The following COL22A1 variants were observed in gnomAD, a reference collection of about 807,000 sequenced individuals.
The protein encoded by COL22A1 is collagen alpha-1(XXII) chain.
COL22A1 carries 221 observed loss-of-function variants against 248.9 expected under a neutral mutation model. That is an observed-to-expected ratio of 0.89 (90% CI 0.80 to 0.99). COL22A1 has a LOEUF of 0.99. Among genes scored for constraint, COL22A1 ranks in the 50% least tolerant of loss-of-function variants. The pLI is 0.00. For synonymous variants in COL22A1, 891 were observed against 793.4 expected, an observed-to-expected ratio of 1.12 and a Z score of -2.07; for missense variants, 2,240 against 2,179.0, an observed-to-expected ratio of 1.03 and a Z score of -0.56.
intron 17 of COL22A1, among the ~76,000 whole-genome samples, chr8:138,760,920 G>A (rs76107190): frequency 0.12 from 17,676 of 152,190 alleles, 1,296 homozygotes; most frequent in Non-Finnish European, 0.17. Context: ...ACAGAGCACA[G>A]GGTAGTCCTC....
At chr8:138,851,565 C>A (rs1376552974) in intron 3 of COL22A1, among the ~76,000 whole-genome samples, 1 of 152,174 alleles carries the variant, frequency 6.6e-6, no homozygotes, top group Admixed American at 6.5e-5. Context: ...GTTCCTCAGA[C>A]CTCCTTTCCC....
At chr8:138,610,653 G>A (rs1015713418) in intron 56 of COL22A1, among the ~76,000 whole-genome samples, 26 of 152,186 alleles carry the variant, frequency 1.7e-4, no homozygotes, top group Non-Finnish European at 1.5e-5. Flanking sequence ...TGGGGGCCTT[G>A]GGATTTCAGG....
chr8:138,637,283 A>G (rs561014936), intron 47 of COL22A1, among the ~76,000 whole-genome samples: 1 of 152,286 alleles, frequency 6.6e-6, no homozygotes, highest in East Asian at 1.9e-4. Context: ...GCCTTGCAGA[A>G]CAGGTGTGAG....
chr8:138,630,187 C>T (rs891500418), intron 50 of COL22A1, among the ~76,000 whole-genome samples: 4 of 152,218 alleles, frequency 2.6e-5, no homozygotes, highest in Non-Finnish European at 5.9e-5. Context: ...TAAAAGCCTT[C>T]GGTTCAAATG....
intron 5 of COL22A1, among the ~76,000 whole-genome samples, chr8:138,832,509 C>T (rs902487029): frequency 7.2e-5 from 11 of 152,176 alleles, no homozygotes; most frequent in Admixed American, 7.2e-4. Flanking sequence ...ATCTTTACAT[C>T]ATATCCTATC....
chr8:138,887,290 T>C (rs987588075), intron 1 of COL22A1, among the ~76,000 whole-genome samples: 4 of 151,288 alleles, frequency 2.6e-5, no homozygotes, highest in African/African-American at 9.7e-5. Flanking sequence ...AGTGGTGCCA[T>C]CTCAGCTCAC....
chr8:138,712,895 CCAG>C (rs143871655), intron 30 of COL22A1, among the ~76,000 whole-genome samples: 4,513 of 150,270 alleles, frequency 0.03, 82 homozygotes, highest in African/African-American at 0.066. Context: ...GAGGGTTCTA[CCAG>C]CAGAGGGTAC....
intron 1 of COL22A1, among the ~76,000 whole-genome samples, chr8:138,902,337 C>T (rs530408189): frequency 3.3e-4 from 51 of 152,280 alleles, no homozygotes; most frequent in Middle Eastern, 3.4e-3. Flanking sequence ...CTCAGGACAA[C>T]GGCTTCGCAT....
At chr8:138,591,058 G>T (rs183508222) in intron 64 of COL22A1, among the ~76,000 whole-genome samples, 1 of 152,168 alleles carries the variant, frequency 6.6e-6, no homozygotes, top group African/African-American at 2.4e-5. Flanking sequence ...TTTTTAATGC[G>T]AGAGTCCTTA....
intron 8 of COL22A1, 38 bp from the exon 9 acceptor site, chr8:138,811,959 C>T: frequency 6.6e-7 from 1 of 1,506,644 alleles, no homozygotes; most frequent in Non-Finnish European, 8.9e-7. Flanking sequence ...CCTGGCTCTT[C>T]ACTCAGCAGG....
At chr8:138,753,356 G>A (rs909377032) in intron 21 of COL22A1, among the ~76,000 whole-genome samples, 1 of 152,142 alleles carries the variant, frequency 6.6e-6, no homozygotes, top group Admixed American at 6.5e-5. Flanking sequence ...CTCTTAATAA[G>A]GCCTTTAGTT....
At chr8:138,850,401 C>T (rs1000716623) in intron 3 of COL22A1, among the ~76,000 whole-genome samples, 2 of 152,234 alleles carry the variant, frequency 1.3e-5, no homozygotes, top group Non-Finnish European at 2.9e-5. Flanking sequence ...GAAAATCCCC[C>T]TGGACCTGCT....
chr8:138,870,510 T>C (rs192424140), intron 3 of COL22A1, among the ~76,000 whole-genome samples: 4 of 150,730 alleles, frequency 2.7e-5, no homozygotes, highest in African/African-American at 7.3e-5. Flanking sequence ...GTGTGCTGTG[T>C]GTGGTGTTTG....
intron 16 of COL22A1, among the ~76,000 whole-genome samples, chr8:138,765,359 C>T (rs1047733704): frequency 6.6e-6 from 1 of 152,124 alleles, no homozygotes; most frequent in Non-Finnish European, 1.5e-5. Flanking sequence ...AAACTGGGAG[C>T]CCTAGGGTGC....
At chr8:138,742,454 C>G (rs111162974) in intron 22 of COL22A1, among the ~76,000 whole-genome samples, 30,430 of 140,802 alleles carry the variant, frequency 0.22, 4,051 homozygotes, top group African/African-American at 0.36. Flanking sequence ...GATGATGGTA[C>G]TAGTGATTGT....
chr8:138,855,274 A>T (rs1202587728), intron 3 of COL22A1, among the ~76,000 whole-genome samples: 1 of 152,226 alleles, frequency 6.6e-6, no homozygotes, highest in Non-Finnish European at 1.5e-5. Flanking sequence ...AACCCCATAG[A>T]GTGGCAATTC....
chr8:138,883,405 G>A (rs1824396740), intron 1 of COL22A1, among the ~76,000 whole-genome samples, 161 bp from the exon 2 acceptor site: 1 of 152,228 alleles, frequency 6.6e-6, no homozygotes. Flanking sequence ...TTCCAGAGCA[G>A]AGCCAAGTGT....
At chr8:138,783,483 G>A (rs941172777) in intron 12 of COL22A1, among the ~76,000 whole-genome samples, 6 of 152,122 alleles carry the variant, frequency 3.9e-5, no homozygotes, top group African/African-American at 1.4e-4. Context: ...GGCTGGGCCA[G>A]TCTCTCCTTC....
At chr8:138,818,858 C>T (rs1818880912) in intron 7 of COL22A1, among the ~76,000 whole-genome samples, 1 of 152,162 alleles carries the variant, frequency 6.6e-6, no homozygotes, top group Admixed American at 6.5e-5. Context: ...TCAGCAACTG[C>T]ATATAAAAAC....
Sources: gnomAD v4.1 joint callset for allele counts (sites outside exome capture counted in the v4.1 genomes callset) on GRCh38, gnomAD v4.1.1 for gene constraint, MANE v1.5 for transcripts, NCBI Gene and HGNC (gene_info 2026-07-23, HGNC 2026-07-21) for gene names.